The following RGS3 variants were observed in gnomAD, a reference collection of about 807,000 sequenced individuals.
RGS3 encodes the protein regulator of G protein signaling 3.
In RGS3, 80 loss-of-function variants were observed where a neutral mutation model predicts 132.6. That is an observed-to-expected ratio of 0.60 (90% confidence interval 0.50 to 0.73). RGS3 has a LOEUF of 0.73. Ranked by LOEUF, RGS3 falls within the 30% of genes least tolerant of loss-of-function variation. RGS3 has a pLI of 0.00. For synonymous variants in RGS3, 598 were observed against 620.6 expected, an observed-to-expected ratio of 0.96 and a Z score of 0.54; for missense variants, 1,382 against 1,530.8, an observed-to-expected ratio of 0.90 and a Z score of 1.62.
chr9:113,596,675 G>A (rs1835794955), intron 24 of RGS3, 93 bp from the exon 23 acceptor site: 3 of 1,072,920 alleles, frequency 2.8e-6, no homozygotes, highest in Non-Finnish European at 4.0e-6. Context: ...GGGGCTTGGA[G>A]GTGAGAGGCT....
chr9:113,458,484 G>T (rs995215064), upstream of RGS3, among the ~76,000 whole-genome samples: 8 of 152,210 alleles, frequency 5.3e-5, no homozygotes, highest in South Asian at 1.7e-3. Context: ...TGATTTGCTT[G>T]TATTTTATTA....
At chr9:113,461,292 G>A (rs1024792672) in intron 1 of RGS3, among the ~76,000 whole-genome samples, 3 of 152,136 alleles carry the variant, frequency 2.0e-5, no homozygotes, top group Non-Finnish European at 4.4e-5. Flanking sequence ...AGAAAGCCAG[G>A]CTTGGTCCAA....
intron 19 of RGS3, among the ~76,000 whole-genome samples, chr9:113,544,280 C>T (rs1833018540): frequency 1.3e-5 from 2 of 151,722 alleles, no homozygotes; most frequent in Admixed American, 6.6e-5. Context: ...CACCCCCGAC[C>T]CTCTGATCCC....
chr9:113,587,887 A>G (rs1372881887), intron 20 of RGS3, among the ~76,000 whole-genome samples: 1 of 152,120 alleles, frequency 6.6e-6, no homozygotes, highest in Non-Finnish European at 1.5e-5. Flanking sequence ...GAGTGGTCTC[A>G]TGGTGCCCCC....
intron 21 of RGS3, chr9:113,592,619 G>A (rs370194619): frequency 6.6e-6 from 1 of 152,102 alleles, no homozygotes; most frequent in Admixed American, 6.5e-5. Flanking sequence ...AAGTAGCTGC[G>A]ATTACAGGTG....
chr9:113,559,324 G>T (rs914209746), intron 19 of RGS3, among the ~76,000 whole-genome samples: 20 of 152,338 alleles, frequency 1.3e-4, no homozygotes, highest in African/African-American at 4.8e-4. Flanking sequence ...TGGTTGGACC[G>T]GAGCCAGGAA....
upstream of RGS3, among the ~76,000 whole-genome samples, chr9:113,458,365 T>C (rs1829405674): frequency 6.6e-6 from 1 of 152,238 alleles, no homozygotes; most frequent in Admixed American, 6.5e-5. Flanking sequence ...CCAGATTTGG[T>C]TGGTAGGCCA....
chr9:113,532,519 A>T (rs1832514564), intron 18 of RGS3, among the ~76,000 whole-genome samples: 1 of 151,870 alleles, frequency 6.6e-6, no homozygotes, highest in African/African-American at 2.4e-5. Context: ...CCAGCCCTAC[A>T]CTCTGCTGTT....
At chr9:113,550,224 A>G (rs1244416790) in intron 19 of RGS3, among the ~76,000 whole-genome samples, 1 of 152,142 alleles carries the variant, frequency 6.6e-6, no homozygotes, top group African/African-American at 2.4e-5. Context: ...TTAGCCAGGC[A>G]TGGTGGCGCA....
At chr9:113,594,573 C>T (rs1564626678) in intron 22 of RGS3, 42 bp downstream of exon 20, 4 of 1,525,786 alleles carry the variant, frequency 2.6e-6, no homozygotes. Context: ...GGGGAACTCA[C>T]TGGCTCCCCG....
At chr9:113,577,565 G>C (rs1386236558) in intron 19 of RGS3, among the ~76,000 whole-genome samples, 2 of 152,196 alleles carry the variant, frequency 1.3e-5, no homozygotes, top group African/African-American at 4.8e-5. Context: ...ATTCAGTGTA[G>C]GGCTTGTAGA....
At chr9:113,497,957 G>C in intron 9 of RGS3, 68 bp from the exon 8 acceptor site, 1 of 1,528,998 alleles carries the variant, frequency 6.5e-7, no homozygotes, top group Non-Finnish European at 9.1e-7. Context: ...GCTGTCCTCT[G>C]GGTGGTCCGA....
chr9:113,539,948 C>A (rs1474807787), intron 19 of RGS3, among the ~76,000 whole-genome samples: 1 of 152,168 alleles, frequency 6.6e-6, no homozygotes, highest in Non-Finnish European at 1.5e-5. Context: ...TCAGTAGTCC[C>A]ATCTGGGCAC....
upstream of RGS3, among the ~76,000 whole-genome samples, chr9:113,457,204 C>T (rs777480644): frequency 3.3e-5 from 5 of 152,200 alleles, no homozygotes; most frequent in Non-Finnish European, 5.9e-5. Flanking sequence ...AAACGTACAA[C>T]GCCCCCTCTC....
rs1450341696 is a variant in RGS3, at chr9:113,517,736, G to A, written c.1758+112G>A. The A allele has an allele frequency of 5.2e-6, 4 of 766,242 alleles. No homozygotes were observed. Among genetic ancestry groups the A allele is most frequent in the Admixed American group, 5.4e-5 (2 of 37,186 alleles). 47.5% of individuals were successfully genotyped at this position (766,242 alleles called of 1,614,324 possible). A position where few individuals can be genotyped will look rare whatever the true frequency, so the allele number is the denominator to read the frequency against. On this transcript the variant is annotated intron_variant, in intron 16 of 24. Transcript: ENST00000350696. ...AGTATCTTAGAATTGTACATTCTCA[G>A]GGTAGGGGAGACCTGAGAAGGACCC...
chr9:113,457,265 C>T (rs563087975), upstream of RGS3, among the ~76,000 whole-genome samples: 9 of 152,254 alleles, frequency 5.9e-5, no homozygotes, highest in South Asian at 1.9e-3. Flanking sequence ...CCCTTCCTTC[C>T]TCTCCTATAC....
chr9:113,474,783 C>A (rs2119197043), intron 3 of RGS3, among the ~76,000 whole-genome samples: 1 of 152,356 alleles, frequency 6.6e-6, no homozygotes, highest in Admixed American at 6.5e-5. Flanking sequence ...CTGCTTCATG[C>A]TAGCCAGGCA....
chr9:113,514,081 ATCT>A (rs1467402445), intron 14 of RGS3, among the ~76,000 whole-genome samples: 14 of 152,280 alleles, frequency 9.2e-5, no homozygotes, highest in Admixed American at 7.2e-4. Context: ...GTGAGGACAG[ATCT>A]TCTGATTTTT....
At chr9:113,571,654 A>G (rs562113492) in intron 19 of RGS3, among the ~76,000 whole-genome samples, 1 of 151,886 alleles carries the variant, frequency 6.6e-6, no homozygotes, top group East Asian at 1.9e-4. Flanking sequence ...ATCTCTTCCC[A>G]CTCTGGGATT....
Sources: gnomAD v4.1 joint callset for allele counts (sites outside exome capture counted in the v4.1 genomes callset) on GRCh38, gnomAD v4.1.1 for gene constraint, MANE v1.5 for transcripts, NCBI Gene and HGNC (gene_info 2026-07-23, HGNC 2026-07-21) for gene names.